IL1RAPL1: variants seen among roughly 807,000 people sequenced by gnomAD.
IL1RAPL1 encodes interleukin 1 receptor accessory protein like 1.
Under a neutral mutation model 48.4 loss-of-function variants are expected in IL1RAPL1, and 3 were observed. The observed-to-expected ratio is 0.06, with a 90% confidence interval of 0.03 to 0.16. IL1RAPL1 has a LOEUF of 0.16. IL1RAPL1 is among the 10% of genes least tolerant of loss of function. The probability of loss-of-function intolerance (pLI) is 1.00; values close to 1 mark genes in which losing one functional copy is unlikely to be tolerated. For synonymous variants in IL1RAPL1, 185 were observed against 187.7 expected (o/e 0.99, Z 0.12); for missense variants, 349 against 530.6 (o/e 0.66, Z 3.36).
At chrX:29,647,384 G>T (rs908231783) in intron 5 of IL1RAPL1, among the ~76,000 whole-genome samples, 91 of 108,871 alleles carry the variant, frequency 8.4e-4, no homozygotes, top group Non-Finnish European at 1.5e-3. Flanking sequence ...ATACGGTAAT[G>T]ATGGCGTGTA....
intron 2 of IL1RAPL1, among the ~76,000 whole-genome samples, chrX:29,024,824 ATTCAC>A (rs973671439): frequency 3.6e-5 from 4 of 111,842 alleles, no homozygotes; most frequent in Non-Finnish European, 7.5e-5. Flanking sequence ...TATAGCTACA[ATTCAC>A]TTATTTAAAA....
chrX:29,766,102 G>A (rs1168494184), intron 6 of IL1RAPL1, among the ~76,000 whole-genome samples: 1 of 107,989 alleles, frequency 9.3e-6, no homozygotes, highest in Admixed American at 1.0e-4. Flanking sequence ...AGGCCGAGGT[G>A]GACGGATCAT....
At chrX:29,033,474 A>G (rs903447358) in intron 2 of IL1RAPL1, among the ~76,000 whole-genome samples, 13 of 111,336 alleles carry the variant, frequency 1.2e-4, no homozygotes, top group Admixed American at 1.2e-3. Context: ...TGGCTGAGAT[A>G]TGGATACACG....
At chrX:28,992,459 C>T (rs1244940086) in intron 2 of IL1RAPL1, among the ~76,000 whole-genome samples, 1 of 90,918 alleles carries the variant, frequency 1.1e-5, no homozygotes, top group Non-Finnish European at 2.1e-5. Flanking sequence ...CACTGTACTC[C>T]AGCCTGGCTG....
intron 1 of IL1RAPL1, among the ~76,000 whole-genome samples, chrX:28,784,636 G>A (rs1223109581): frequency 9.0e-6 from 1 of 111,430 alleles, no homozygotes; most frequent in Non-Finnish European, 1.9e-5. Context: ...TTATAAAGAT[G>A]AAGTAACTTG....
chrX:29,591,227 T>A (rs951397524), intron 5 of IL1RAPL1, among the ~76,000 whole-genome samples: 1 of 112,048 alleles, frequency 8.9e-6, no homozygotes, highest in African/African-American at 3.2e-5. Flanking sequence ...GAGATGAGCT[T>A]AGTTAATGCT....
At chrX:29,389,292 G>A (rs888743776) in intron 3 of IL1RAPL1, among the ~76,000 whole-genome samples, 1 of 103,483 alleles carries the variant, frequency 9.7e-6, no homozygotes, top group Non-Finnish European at 2.0e-5. Flanking sequence ...GGAGGTGGAG[G>A]TAGCAGTGAG....
intron 2 of IL1RAPL1, among the ~76,000 whole-genome samples, chrX:29,049,099 A>G (rs1164464495): frequency 8.9e-6 from 1 of 112,312 alleles, no homozygotes; most frequent in African/African-American, 3.2e-5. Context: ...AAAACCTAGC[A>G]TGCATTGCAA....
chrX:29,457,887 C>G (rs1054195253), intron 5 of IL1RAPL1, among the ~76,000 whole-genome samples: 4 of 112,178 alleles, frequency 3.6e-5, no homozygotes, highest in African/African-American at 1.3e-4. Flanking sequence ...AATAGCTGTT[C>G]TGACTTGTGT....
At chrX:28,892,147 C>G (rs1318082819) in intron 2 of IL1RAPL1, among the ~76,000 whole-genome samples, 1 of 110,831 alleles carries the variant, frequency 9.0e-6, no homozygotes, top group Non-Finnish European at 1.9e-5. Context: ...AAGAGACCAC[C>G]AAACAGGCTT....
chrX:29,366,130 A>C (rs768371754), intron 3 of IL1RAPL1, among the ~76,000 whole-genome samples: 1 of 111,064 alleles, frequency 9.0e-6, no homozygotes, highest in African/African-American at 3.3e-5. Flanking sequence ...CACAGATAAA[A>C]ATATTTTATC....
intron 5 of IL1RAPL1, among the ~76,000 whole-genome samples, chrX:29,541,539 A>G (rs1396830745): frequency 8.9e-6 from 1 of 111,967 alleles, no homozygotes; most frequent in East Asian, 2.8e-4. Context: ...CTAGGTGCCC[A>G]TCAAAGGTGG....
chrX:29,837,298 T>TACACAC (rs1212984543), intron 6 of IL1RAPL1, among the ~76,000 whole-genome samples: 41 of 70,290 alleles, frequency 5.8e-4, no homozygotes, highest in African/African-American at 2.9e-3. Flanking sequence ...TATATATATA[T>TACACAC]ATACACACAC....
intron 6 of IL1RAPL1, among the ~76,000 whole-genome samples, chrX:29,694,754 G>A (rs962755978): frequency 1.8e-5 from 2 of 111,542 alleles, no homozygotes; most frequent in African/African-American, 6.5e-5. Context: ...TTCTAGCCCC[G>A]TGACCTAATC....
At chrX:29,055,016 T>C (rs904769076) in intron 2 of IL1RAPL1, among the ~76,000 whole-genome samples, 2 of 111,852 alleles carry the variant, frequency 1.8e-5, no homozygotes, top group African/African-American at 3.2e-5. Flanking sequence ...TGTTCAATAG[T>C]ATGTAGCATA....
chrX:29,007,201 C>A (rs976195198), intron 2 of IL1RAPL1, among the ~76,000 whole-genome samples: 111 of 111,532 alleles, frequency 1.0e-3, no homozygotes, highest in African/African-American at 3.5e-3. Flanking sequence ...TTGAATTTTG[C>A]TATAGTTGTT....
At chrX:29,164,366 C>G (rs1338144325) in intron 2 of IL1RAPL1, among the ~76,000 whole-genome samples, 2 of 111,770 alleles carry the variant, frequency 1.8e-5, no homozygotes, top group Non-Finnish European at 3.8e-5. Context: ...TGTAAATGAT[C>G]CCAGAACCAA....
At chrX:28,827,358 A>G (rs1222525458) in intron 2 of IL1RAPL1, among the ~76,000 whole-genome samples, 1 of 111,367 alleles carries the variant, frequency 9.0e-6, no homozygotes, top group Non-Finnish European at 1.9e-5. Context: ...TAGTCTAATC[A>G]AGACTAGAAT....
chrX:29,210,304 T>C (rs1483867271), intron 2 of IL1RAPL1, among the ~76,000 whole-genome samples: 2 of 111,536 alleles, frequency 1.8e-5, no homozygotes, highest in African/African-American at 6.5e-5. Context: ...ATCACGAGGA[T>C]TTACTGTTAT....
Sources: gnomAD v4.1 joint callset for allele counts (sites outside exome capture counted in the v4.1 genomes callset) on GRCh38, gnomAD v4.1.1 for gene constraint, MANE v1.5 for transcripts, NCBI Gene and HGNC (gene_info 2026-07-23, HGNC 2026-07-21) for gene names.